Variants in LAMA3 observed in about 807,000 individuals in gnomAD.
LAMA3 encodes laminin subunit alpha 3, also known as laminin subunit alpha-3.
LAMA3 carries 281 observed loss-of-function variants against 402.0 expected under a neutral mutation model. The ratio of observed to expected loss-of-function variants is 0.70; its 90% CI spans 0.63 to 0.77. The LOEUF is 0.77. Among genes scored for constraint, LAMA3 ranks in the 30% least tolerant of loss-of-function variants. The probability of loss-of-function intolerance (pLI) is 0.00; values close to 1 mark genes in which losing one functional copy is unlikely to be tolerated. For missense variants in LAMA3, 3,840 were observed against 4,215.5 expected (o/e 0.91, Z 2.47); for synonymous variants, 1,431 against 1,558.4 (o/e 0.92, Z 1.93).
At chr18:23,846,836 C>T (rs2063826792) in intron 31 of LAMA3, among the ~76,000 whole-genome samples, 1 of 152,206 alleles carries the variant, frequency 6.6e-6, no homozygotes, top group Non-Finnish European at 1.5e-5. Flanking sequence ...TCTTGGAGAG[C>T]TTGATCCCCT....
rs549405829 is a variant in LAMA3, at chr18:23,753,892, A to G, written c.947+80A>G. The G allele has an allele frequency of 4.2e-5, 40 of 946,798 alleles. No individual in the cohort carries two copies. The African/African-American group carries it at 6.5e-4, about 15-fold the overall frequency. 58.6% of individuals were successfully genotyped at this position (946,798 alleles called of 1,614,324 possible). On this transcript the variant is annotated intron_variant, in intron 6 of 74. Coordinates refer to ENST00000313654, the MANE Select transcript of LAMA3 (RefSeq NM_198129.4). Reference sequence around the variant, plus strand: ...TCAGTGGATGTTTGCATCCCGTTAAATGTTTCTAGGTTCCTGTCCTCAATA... The same window carrying G: ...TCAGTGGATGTTTGCATCCCGTTAAGTGTTTCTAGGTTCCTGTCCTCAATA...
intron 23 of LAMA3, among the ~76,000 whole-genome samples, chr18:23,831,264 A>G (rs1260896387): frequency 6.6e-6 from 1 of 152,232 alleles, no homozygotes; most frequent in Non-Finnish European, 1.5e-5. Flanking sequence ...CTCTTAGGAT[A>G]GAGACAAAGA....
intron 23 of LAMA3, among the ~76,000 whole-genome samples, chr18:23,828,330 A>C (rs1310062532): frequency 1.3e-5 from 2 of 152,232 alleles, no homozygotes; most frequent in Non-Finnish European, 2.9e-5. Context: ...TATATTTCTT[A>C]AGTAAAGTCT....
At position 23,857,953 on chromosome 18, in the gene LAMA3, G is replaced by A. The variant is rs77331026; in HGVS notation, c.4246G>A (p.Val1416Met). The A allele has an allele frequency of 2.4e-4, 381 of 1,614,190 alleles. 1 individual carries two copies. The African/African-American group carries it at 4.1e-3, about 17-fold the overall frequency. Residue 1416 changes from valine (V) to methionine (M), a missense_variant, in exon 33 of 75, where the codon GTG becomes ATG. By Grantham distance (21) the Val-to-Met change is conservative. This residue lies in a region of LAMA3 where 2,109 missense variants were observed against 2,376.0 expected (regional missense o/e 0.89). Transcript: ENST00000313654. The part of the protein sequence containing the change: ...NCNRDGTEPG[V>M]CDPGTGACLC... ...CAACAGAGATGGGACTGAGCCAGGA[G>A]TGTGTGACCCAGGGACCGGGGCTTG...
chr18:23,819,876 A>C lies in LAMA3; in HGVS notation c.2183A>C (p.His728Pro). ...AACTACTATTTCCCAGATTTGCATCATATGAAGTATGAGATTGAAGACGGC... is the reference window on the plus strand; with the variant it reads ...AACTACTATTTCCCAGATTTGCATCCTATGAAGTATGAGATTGAAGACGGC... ...ENNYYFPDLH[H>P]MKYEIEDGST... Residue 728 changes from histidine to proline, a missense_variant, in exon 19 of 75, where the codon CAT becomes CCT. His to Pro is a moderately conservative substitution (Grantham distance 77). Transcript: ENST00000313654. 1.2e-6 allele frequency: 2 copies of C among 1,614,154 alleles called. No individual in the cohort carries two copies. Among genetic ancestry groups the C allele is most frequent in the Non-Finnish European group, 1.7e-6 (2 of 1,179,986 alleles).
intron 44 of LAMA3, among the ~76,000 whole-genome samples, chr18:23,897,542 A>G (rs1412676843): frequency 6.6e-6 from 1 of 152,160 alleles, no homozygotes; most frequent in Non-Finnish European, 1.5e-5. Flanking sequence ...CCTCCTCATG[A>G]GGAACCTAGT....
intron 29 of LAMA3, 46 bp from the exon 30 acceptor site, chr18:23,844,963 G>C: frequency 9.4e-7 from 1 of 1,065,546 alleles, no homozygotes; most frequent in Non-Finnish European, 1.5e-6. Context: ...CCTTAGGTCT[G>C]TGTCATCATT....
chr18:23,783,943 A>T, intron 11 of LAMA3, 80 bp from the exon 12 acceptor site: 1 of 1,530,544 alleles, frequency 6.5e-7, no homozygotes, highest in Non-Finnish European at 9.1e-7. Flanking sequence ...TATTCCCATG[A>T]TAGAAACCTA....
Position 23,907,696 on chromosome 18 carries a change from G to A in LAMA3, c.6835+30G>A, listed in dbSNP as rs149611738. 4.3e-5 allele frequency: 69 copies of A among 1,611,940 alleles called. No homozygotes were observed. In the African/African-American group the frequency reaches 8.0e-4, roughly 19 times the overall value. On this transcript the variant is annotated intron_variant, in intron 53 of 74. Coordinates refer to ENST00000313654, the MANE Select transcript of LAMA3 (RefSeq NM_198129.4). ...GCATCTTCCTAATCCATTGTACTCG[G>A]TTGGCTTCTTTTGTTGAACGTTTTA...
rs2063815395 is a variant in LAMA3 at position 23,846,371 on chromosome 18, C to G, written c.3794C>G (p.Pro1265Arg). 1 of 1,614,242 alleles carries G rather than the reference C, an allele frequency of 6.2e-7. No individual in the cohort carries two copies. Among genetic ancestry groups the G allele is most frequent in the Non-Finnish European group, 8.5e-7 (1 of 1,180,040 alleles). Residue 1265 changes from proline to arginine, a missense_variant, in exon 31 of 75, where the codon CCT (proline) becomes CGT (arginine). This residue lies in a region of LAMA3 where 2,109 missense variants were observed against 2,376.0 expected (regional missense o/e 0.89). Coordinates refer to ENST00000313654, the MANE Select transcript of LAMA3 (RefSeq NM_198129.4). ...GCCTTTTACCACAAGGGCGCCCTGCCTTGTGAGTGCCACCCCACTGGGGCC... is the reference window on the plus strand; with the variant it reads ...GCCTTTTACCACAAGGGCGCCCTGCGTTGTGAGTGCCACCCCACTGGGGCC... ...LVAFYHKGAL[P>R]CECHPTGATG...
intron 57 of LAMA3, 33 bp from the exon 58 acceptor site, chr18:23,914,665 T>C (rs1186010772): frequency 1.9e-6 from 3 of 1,598,320 alleles, no homozygotes; most frequent in African/African-American, 1.4e-5. Context: ...AAATTTTTTG[T>C]TTAACTTTAT....
At chr18:23,842,116 A>G (rs1485685988) in intron 27 of LAMA3, among the ~76,000 whole-genome samples, 2 of 152,008 alleles carry the variant, frequency 1.3e-5, no homozygotes. Flanking sequence ...ACCAAATTAT[A>G]CCCCCTCCAA....
intron 41 of LAMA3, among the ~76,000 whole-genome samples, chr18:23,887,587 C>A (rs1030860500): frequency 6.6e-6 from 1 of 152,072 alleles, no homozygotes; most frequent in African/African-American, 2.4e-5. Flanking sequence ...CATTTTATGT[C>A]AACATTTTTC....
chr18:23,768,030 T>C (rs2062114379), intron 8 of LAMA3, among the ~76,000 whole-genome samples: 1 of 152,238 alleles, frequency 6.6e-6, no homozygotes, highest in South Asian at 2.1e-4. Context: ...ATAAGAATCC[T>C]AGAAGAAAAC....
At chr18:23,695,894 C>A (rs896313929) in intron 1 of LAMA3, among the ~76,000 whole-genome samples, 1 of 142,348 alleles carries the variant, frequency 7.0e-6, no homozygotes, top group Non-Finnish European at 1.5e-5. Context: ...TACCCCTGAT[C>A]CTTGCTTAAT....
intron 11 of LAMA3, among the ~76,000 whole-genome samples, chr18:23,780,240 G>A (rs761811678): frequency 6.6e-6 from 1 of 151,630 alleles, no homozygotes; most frequent in Non-Finnish European, 1.5e-5. Context: ...CTCCCAGTCT[G>A]AGACAGAAAG....
intron 12 of LAMA3, among the ~76,000 whole-genome samples, chr18:23,802,351 G>A (rs1378144027): frequency 1.3e-5 from 2 of 152,156 alleles, no homozygotes; most frequent in Non-Finnish European, 2.9e-5. Flanking sequence ...TTCTTTACCT[G>A]GTGAAGTGAC....
chr18:23,954,379 G>C, intron 74 of LAMA3, 124 bp from the exon 75 acceptor site: 1 of 816,248 alleles, frequency 1.2e-6, no homozygotes, highest in East Asian at 2.7e-5. Context: ...CTTCAGCCTG[G>C]GTAACAGAGC....
intron 70 of LAMA3, 114 bp downstream of exon 70, chr18:23,946,398 G>A (rs1339709188): frequency 1.1e-5 from 13 of 1,143,244 alleles, no homozygotes; most frequent in Non-Finnish European, 1.6e-5. Context: ...TACTTTAAAT[G>A]ATTTTTAAGG....
Sources: gnomAD v4.1 joint callset for allele counts (sites outside exome capture counted in the v4.1 genomes callset) on GRCh38, gnomAD v4.1.1 for gene constraint, gnomAD v4.1.1 regional missense constraint, MANE v1.5 for transcripts, NCBI Gene and HGNC (gene_info 2026-07-23, HGNC 2026-07-21) for gene names.